Variants in UVRAG observed in about 807,000 individuals in gnomAD.
UVRAG encodes UV radiation resistance-associated gene protein.
Under a neutral mutation model 78.0 loss-of-function variants are expected in UVRAG, and 19 were observed. The ratio of observed to expected loss-of-function variants is 0.24; its 90% CI spans 0.17 to 0.36. The LOEUF is 0.36. Ranked by LOEUF, UVRAG falls within the 10% of genes least tolerant of loss-of-function variation. The pLI is 1.00. For missense variants in UVRAG, 740 were observed against 853.8 expected (o/e 0.87, Z 1.66); for synonymous variants, 323 against 324.6 (o/e 1.00, Z 0.05).
At chr11:76,114,029 G>T (rs995328081) in intron 13 of UVRAG, among the ~76,000 whole-genome samples, 1 of 151,904 alleles carries the variant, frequency 6.6e-6, no homozygotes, top group African/African-American at 2.4e-5. Flanking sequence ...GCAATTGTCT[G>T]TGTACTCACT....
chr11:76,113,621 T>C lies in UVRAG; in HGVS notation c.1306-2303T>C, dbSNP rs142212374. Among the ~76,000 whole-genome samples the C allele has an allele frequency of 1.6e-3, 250 of 152,250 alleles. 2 individuals carry two copies. The highest frequency in any genetic ancestry group is 5.9e-3 in the African/African-American group (246 of 41,552). On this transcript the variant is annotated intron_variant, in intron 13 of 14. Transcript: ENST00000356136. ...TTAATAATAATATATGTGTTATGTA[T>C]GCATTTATTTTTGAGTTCCCTATGT...
Position 75,815,263 on chromosome 11 carries a change from G to A in UVRAG, c.-145G>A, listed in dbSNP as rs1945232464. On this transcript the variant is annotated 5_prime_UTR_variant, in exon 1 of 15. Coordinates refer to ENST00000356136, the MANE Select transcript of UVRAG (RefSeq NM_003369.4). ...CGGCAACGGCGGCAGCGGCGGCAGC[G>A]GCGGCGGCTACTGTCTGGGCTGAGC... 2 of 471,012 alleles carry A rather than the reference G, an allele frequency of 4.2e-6. No individual in the cohort carries two copies. The highest frequency in any genetic ancestry group is 7.2e-6 in the Non-Finnish European group (2 of 279,610). The allele number at this position is 471,012 out of a possible 1,614,324, so 29.2% of individuals were successfully genotyped here.
intron 6 of UVRAG, among the ~76,000 whole-genome samples, chr11:75,949,537 C>T (rs1004482143): frequency 4.6e-5 from 7 of 152,044 alleles, no homozygotes. Flanking sequence ...TACACAGGCA[C>T]CTCCAACTGA....
At chr11:76,042,787 A>G (rs1031559545) in intron 12 of UVRAG, among the ~76,000 whole-genome samples, 2 of 152,222 alleles carry the variant, frequency 1.3e-5, no homozygotes, top group Admixed American at 1.3e-4. Context: ...GTTATACATT[A>G]ATAAAAAGTT....
At chr11:75,931,176 A>G (rs2135105745) in intron 6 of UVRAG, among the ~76,000 whole-genome samples, 1 of 150,260 alleles carries the variant, frequency 6.7e-6, no homozygotes, top group African/African-American at 2.4e-5. Flanking sequence ...TTGTGTGATC[A>G]TTTTTTTCAC....
chr11:75,908,103 C>T (rs1947657004), intron 5 of UVRAG, among the ~76,000 whole-genome samples: 2 of 152,104 alleles, frequency 1.3e-5, no homozygotes, highest in South Asian at 4.1e-4. Flanking sequence ...TGGTCCCTGC[C>T]AGTTACCGTT....
chr11:75,815,878 C>T (rs760103185), intron 1 of UVRAG, among the ~76,000 whole-genome samples: 2 of 152,214 alleles, frequency 1.3e-5, no homozygotes, highest in Non-Finnish European at 2.9e-5. Flanking sequence ...CAGGAAGGGA[C>T]CCGGGGAACC....
chr11:75,961,678 A>G (rs1948914166), intron 7 of UVRAG, 129 bp downstream of exon 7: 7 of 617,274 alleles, frequency 1.1e-5, no homozygotes, highest in South Asian at 6.4e-5. Flanking sequence ...AGAGAGTTCT[A>G]TTGGCATTTA....
At chr11:75,972,683 C>G (rs1161704621) in intron 7 of UVRAG, among the ~76,000 whole-genome samples, 2 of 152,204 alleles carry the variant, frequency 1.3e-5, no homozygotes, top group Non-Finnish European at 2.9e-5. Flanking sequence ...TAGACATTGG[C>G]TACTGTCAGT....
In UVRAG at chr11:75,892,598, A is replaced by T. The variant is rs1947237075; in HGVS notation, c.507+3695A>T. Among the ~76,000 whole-genome samples the T allele has an allele frequency of 2.0e-5, 3 of 152,264 alleles. No homozygotes were observed. In the South Asian group the frequency reaches 6.2e-4, roughly 32 times the overall value. ...TAGCAGAGCTGCGATTCAAAAGCAG[A>T]TGGTCAGTACATGCTTATTGAATAT... On this transcript the variant is annotated intron_variant, in intron 5 of 14. Transcript: ENST00000356136.
intron 7 of UVRAG, among the ~76,000 whole-genome samples, chr11:75,976,565 G>C (rs1231101287): frequency 6.6e-6 from 1 of 152,122 alleles, no homozygotes; most frequent in Non-Finnish European, 1.5e-5. Context: ...GCTCTATTCA[G>C]CGATTCAGCT....
chr11:75,838,536 A>G lies in UVRAG; in HGVS notation c.118-13347A>G, dbSNP rs548414859. ...AGTTTTTCATAGAGACTCTCTCTCT[A>G]TATATAGAGTCTTCCTATGTTGCCC... is the stretch of plus-strand genomic sequence containing the variant. On this transcript the variant is annotated intron_variant, in intron 1 of 14. Transcript: ENST00000356136. Among the ~76,000 whole-genome samples the G allele has an allele frequency of 2.0e-4, 30 of 151,836 alleles. No individual in the cohort carries two copies. In the South Asian group the frequency reaches 2.5e-3, roughly 13 times the overall value.
At chr11:75,857,491 C>A (rs545019080) in intron 2 of UVRAG, among the ~76,000 whole-genome samples, 2 of 151,340 alleles carry the variant, frequency 1.3e-5, no homozygotes, top group Admixed American at 6.6e-5. Flanking sequence ...TTCTTTTTCC[C>A]CCCCCCTTTT....
chr11:76,051,832 G>A (rs889189068), intron 12 of UVRAG, among the ~76,000 whole-genome samples: 4 of 152,068 alleles, frequency 2.6e-5, no homozygotes, highest in African/African-American at 7.2e-5. Flanking sequence ...CCCAAAGAAG[G>A]AGGAAAAAAC....
intron 12 of UVRAG, among the ~76,000 whole-genome samples, chr11:76,031,401 A>T (rs551738903): frequency 2.0e-5 from 3 of 152,314 alleles, no homozygotes; most frequent in African/African-American, 7.2e-5. Flanking sequence ...AGAGAGGAGA[A>T]ATGTGGAAAA....
chr11:75,904,945 A>G (rs1947584020), intron 5 of UVRAG, among the ~76,000 whole-genome samples: 1 of 152,070 alleles, frequency 6.6e-6, no homozygotes, highest in Non-Finnish European at 1.5e-5. Context: ...GAGTTAAATT[A>G]TTTTCCTTAC....
At chr11:76,061,745 A>G (rs1951099480) in intron 12 of UVRAG, among the ~76,000 whole-genome samples, 1 of 152,136 alleles carries the variant, frequency 6.6e-6, no homozygotes, top group African/African-American at 2.4e-5. Flanking sequence ...CGCCATTAAG[A>G]ACTGTAACAC....
chr11:75,951,676 C>T (rs1407369269), intron 6 of UVRAG, among the ~76,000 whole-genome samples: 5 of 152,156 alleles, frequency 3.3e-5, no homozygotes, highest in African/African-American at 9.7e-5. Flanking sequence ...ACCACCGCAC[C>T]CAGCCCTAAA....
chr11:75,838,800 GTGATACCA>G (rs1945844017), intron 1 of UVRAG: 1 of 152,210 alleles, frequency 6.6e-6, no homozygotes. Flanking sequence ...TCTTTAAGAG[GTGATACCA>G]TGATACCATA....
Sources: allele counts gnomAD v4.1 joint callset (sites outside exome capture counted in the v4.1 genomes callset), GRCh38; gene constraint gnomAD v4.1.1; transcripts MANE v1.5; gene names NCBI Gene and HGNC (gene_info 2026-07-23, HGNC 2026-07-21).